CACNA1B: variants seen among roughly 807,000 people sequenced by gnomAD.
CACNA1B encodes the protein voltage-dependent N-type calcium channel subunit alpha-1B.
CACNA1B carries 70 observed loss-of-function variants against 247.2 expected under a neutral mutation model. The observed-to-expected ratio is 0.28, with a 90% confidence interval of 0.23 to 0.35. CACNA1B has a LOEUF of 0.35. CACNA1B is among the 10% of genes least tolerant of loss of function. The pLI, the probability that CACNA1B is intolerant of heterozygous loss-of-function variation, is 1.00. For synonymous variants in CACNA1B, 1,231 were observed against 1,294.4 expected, an observed-to-expected ratio of 0.95 and a Z score of 1.05; for missense variants, 2,367 against 3,197.4, an observed-to-expected ratio of 0.74 and a Z score of 6.26.
intron 12 of CACNA1B, among the ~76,000 whole-genome samples, chr9:137,983,608 GA>G (rs2133379590): frequency 6.6e-6 from 1 of 152,298 alleles, no homozygotes; most frequent in African/African-American, 2.4e-5. Flanking sequence ...TGGTCATTGG[GA>G]GAAGAAAAGA....
Position 138,052,039 on chromosome 9 carries a change from C to A in CACNA1B, c.3711-53C>A. The A allele has an allele frequency of 9.5e-7, 1 of 1,057,548 alleles. No individual in the cohort carries two copies. The highest frequency in any genetic ancestry group is 1.5e-6 in the Non-Finnish European group (1 of 685,886). 65.5% of individuals were successfully genotyped at this position (1,057,548 alleles called of 1,614,324 possible). A position where few individuals can be genotyped will look rare whatever the true frequency, so the allele number is the denominator to read the frequency against. ...CAGACCCTGGGGGGCCACGTGGGAG[C>A]TGGGCACACCCATGCCTCCTGCCTG... is the stretch of plus-strand genomic sequence containing the variant. On this transcript the variant is annotated intron_variant, in intron 24 of 46. Transcript: ENST00000371372. The surrounding 1 kb of genome is among the most constrained non-coding windows in gnomAD (Gnocchi z 5.1).
intron 3 of CACNA1B, among the ~76,000 whole-genome samples, chr9:137,892,909 T>G (rs1401762742): frequency 6.6e-6 from 1 of 152,218 alleles, no homozygotes; most frequent in Non-Finnish European, 1.5e-5. Context: ...TCCATTGGCA[T>G]GCATCAGAGG....
intron 44 of CACNA1B, among the ~76,000 whole-genome samples, 188 bp downstream of exon 44, chr9:138,118,956 A>C (rs1391476456): frequency 6.6e-6 from 1 of 152,074 alleles, no homozygotes; most frequent in Non-Finnish European, 1.5e-5. Flanking sequence ...ACAGAGGTGC[A>C]GCCTGGACGC....
chr9:138,014,044 G>A lies in CACNA1B; in HGVS notation c.2267+809G>A, dbSNP rs1238803512. Among the ~76,000 whole-genome samples, 1 of 152,236 alleles carries A rather than the reference G, an allele frequency of 6.6e-6. No individual in the cohort carries two copies. The highest frequency in any genetic ancestry group is 1.5e-5 in the Non-Finnish European group (1 of 68,050). On this transcript the variant is annotated intron_variant, in intron 18 of 46. Transcript: ENST00000371372. This position sits in a 1 kb window ranked among gnomAD's most constrained non-coding sequence, Gnocchi z 6.2. ...GCCCCAGCTCTTCAGCCGGCCACCCGCCCTGCCGTGAACACGGAACACAGG... is the reference window on the plus strand; with the variant it reads ...GCCCCAGCTCTTCAGCCGGCCACCCACCCTGCCGTGAACACGGAACACAGG...
rs750745731 is a variant in CACNA1B at position 137,956,787 on chromosome 9, C to T, written c.1203C>T (p.Ala401=). ...WIFKAEEVML[A]EEDRNAEEKS... Reference sequence around the variant, plus strand: ...CCCTCGCAGAGGAAGTCATGCTGGCCGAGGAGGACAGGAATGCAGAGGAGA... The same window carrying T: ...CCCTCGCAGAGGAAGTCATGCTGGCTGAGGAGGACAGGAATGCAGAGGAGA... The change falls in exon 9 of 47, where the codon GCC becomes GCT. Residue 401 remains alanine (A), a synonymous_variant. Coordinates refer to ENST00000371372, the MANE Select transcript of CACNA1B (RefSeq NM_000718.4). The T allele has an allele frequency of 5.0e-5, 81 of 1,613,730 alleles. No homozygotes were observed. The highest frequency in any genetic ancestry group is 6.1e-5 in the Non-Finnish European group (72 of 1,179,760).
intron 6 of CACNA1B, among the ~76,000 whole-genome samples, chr9:137,921,940 C>T (rs1459486213): frequency 1.3e-4 from 19 of 143,786 alleles, no homozygotes; most frequent in Middle Eastern, 4.5e-3. Flanking sequence ...AGCACCACGA[C>T]CGCACAGCAT....
chr9:138,035,120 G>A lies in CACNA1B; in HGVS notation c.3287-8654G>A, dbSNP rs139430421. Reference sequence around the variant, plus strand: ...ATGCCTGTGTCATTCACCTCAGTTCGTCTCATCATGTAGGCATTTCATTAT... The same window carrying A: ...ATGCCTGTGTCATTCACCTCAGTTCATCTCATCATGTAGGCATTTCATTAT... On this transcript the variant is annotated intron_variant, in intron 20 of 46. Transcript: ENST00000371372. 2.5e-3 allele frequency among the ~76,000 whole-genome samples: 379 copies of A among 152,270 alleles called. 1 individual carries two copies. Among genetic ancestry groups the A allele is most frequent in the African/African-American group, 8.7e-3 (360 of 41,534 alleles).
intron 3 of CACNA1B, among the ~76,000 whole-genome samples, chr9:137,909,652 G>A (rs906694992): frequency 2.6e-5 from 4 of 152,324 alleles, no homozygotes; most frequent in Middle Eastern, 3.4e-3. Flanking sequence ...TGTGAGTGAC[G>A]CTGCTATGAG....
At chr9:138,061,847 G>A (rs191423549) in intron 31 of CACNA1B, among the ~76,000 whole-genome samples, 22 of 152,376 alleles carry the variant, frequency 1.4e-4, no homozygotes, top group African/African-American at 4.8e-4. Context: ...GCACCAGATG[G>A]AAGCCCAGTG....
rs1388120751 is a variant in CACNA1B, at chr9:137,986,759, C to T, written c.1902-23C>T. 1.2e-6 allele frequency: 2 copies of T among 1,604,966 alleles called. No individual in the cohort carries two copies. Among genetic ancestry groups the T allele is most frequent in the Non-Finnish European group, 1.7e-6 (2 of 1,171,732 alleles). On this transcript the variant is annotated intron_variant, in intron 14 of 46. Coordinates refer to ENST00000371372, the MANE Select transcript of CACNA1B (RefSeq NM_000718.4). The surrounding 1 kb of genome is among the most constrained non-coding windows in gnomAD (Gnocchi z 6.0). ...TCGCTGCTGACGGGACTGCCACTTC[C>T]CAAGCCTTCCTGTTTTCCTCAGGTT...
chr9:138,083,998 C>A (rs1960612054), intron 36 of CACNA1B, among the ~76,000 whole-genome samples: 1 of 150,912 alleles, frequency 6.6e-6, no homozygotes, highest in African/African-American at 2.5e-5. Context: ...TATCCAACTT[C>A]TCAGGCCCAA....
intron 15 of CACNA1B, among the ~76,000 whole-genome samples, chr9:138,006,042 CAAAAAAA>C (rs11288171): frequency 1.9e-4 from 13 of 67,808 alleles, no homozygotes; most frequent in South Asian, 9.4e-4. Flanking sequence ...GACTCCATGT[CAAAAAAA>C]AAAAAAAAAA....
intron 20 of CACNA1B, among the ~76,000 whole-genome samples, chr9:138,032,173 C>A (rs545344886): frequency 8.6e-5 from 13 of 151,840 alleles, no homozygotes; most frequent in African/African-American, 2.9e-4. Flanking sequence ...TTTTTTAAGA[C>A]CTCGTATAGG....
At position 138,059,255 on chromosome 9, in the gene CACNA1B, A is replaced by G; in HGVS notation, c.4584+66A>G. ...ATTCTGGTTCCCCATCTGTAGGGCGACCTTTGGGGGCTCACAATTTGGAGC... is the reference window on the plus strand; with the variant it reads ...ATTCTGGTTCCCCATCTGTAGGGCGGCCTTTGGGGGCTCACAATTTGGAGC... On this transcript the variant is annotated intron_variant, in intron 30 of 46. Transcript: ENST00000371372. The surrounding 1 kb of genome is among the most constrained non-coding windows in gnomAD (Gnocchi z 4.2). The G allele has an allele frequency of 1.1e-6, 1 of 877,534 alleles. No homozygotes were observed. The allele number at this position is 877,534 out of a possible 1,614,324, so 54.4% of individuals were successfully genotyped here.
At chr9:138,108,727 C>T (rs576616073) in intron 39 of CACNA1B, among the ~76,000 whole-genome samples, 1 of 151,996 alleles carries the variant, frequency 6.6e-6, no homozygotes, top group African/African-American at 2.4e-5. Context: ...TGGCTCACTA[C>T]AAGCTCTGCC....
At chr9:138,092,136 T>C (rs1960900484) in intron 36 of CACNA1B, among the ~76,000 whole-genome samples, 2 of 152,196 alleles carry the variant, frequency 1.3e-5, no homozygotes, top group Non-Finnish European at 2.9e-5. Flanking sequence ...AGGTTCCATG[T>C]CCCACTAGGC....
intron 15 of CACNA1B, among the ~76,000 whole-genome samples, chr9:138,006,042 CAAAAA>C (rs11288171): frequency 2.9e-5 from 2 of 67,802 alleles, no homozygotes; most frequent in Non-Finnish European, 6.7e-5. Flanking sequence ...GACTCCATGT[CAAAAA>C]AAAAAAAAAA....
In CACNA1B at chr9:138,006,844, C is replaced by G. The variant is rs1958658184; in HGVS notation, c.2052C>G (p.Phe684Leu). Residue 684 changes from phenylalanine (F) to leucine (L), a missense_variant, in exon 16 of 47, where the codon TTC becomes TTG. By Grantham distance (22) the Phe-to-Leu change is conservative. Transcript: ENST00000371372. ...AAGGCGGCGTCAGCAAAGGCATGTTCTCGTCCTTTTACTTCATTGTCCTGA... is the reference window on the plus strand; with the variant it reads ...AAGGCGGCGTCAGCAAAGGCATGTTGTCGTCCTTTTACTTCATTGTCCTGA... ...ESQGGVSKGM[F>L]SSFYFIVLTL... is the part of the protein sequence containing the mutation. 1 of 1,608,198 alleles carries G rather than the reference C, an allele frequency of 6.2e-7. No homozygotes were observed. Among genetic ancestry groups the G allele is most frequent in the Admixed American group, 1.7e-5 (1 of 59,968 alleles).
At chr9:137,997,922 T>G (rs572519995) in intron 15 of CACNA1B, among the ~76,000 whole-genome samples, 255 of 152,340 alleles carry the variant, frequency 1.7e-3, no homozygotes, top group African/African-American at 6.0e-3. Context: ...AGAAGTGTGA[T>G]CTGTTTGTGC....
Sources: gnomAD v4.1 joint callset for allele counts (sites outside exome capture counted in the v4.1 genomes callset) on GRCh38, gnomAD v4.1.1 for gene constraint, Gnocchi (gnomAD v3.1) non-coding constraint, MANE v1.5 for transcripts, NCBI Gene and HGNC (gene_info 2026-07-23, HGNC 2026-07-21) for gene names.